Variants in MIPOL1 observed in about 807,000 individuals in gnomAD.
The protein encoded by MIPOL1 is mirror-image polydactyly 1.
A neutral mutation model predicts 60.9 loss-of-function variants in MIPOL1; 57 were observed. The observed-to-expected ratio is 0.94, with a 90% CI of 0.76 to 1.17. The LOEUF (loss-of-function observed/expected upper bound fraction) is 1.17. Ranked by LOEUF, MIPOL1 falls within the 50% of genes most tolerant of loss-of-function variation. MIPOL1 has a pLI of 0.00. For missense variants in MIPOL1, 551 were observed against 511.6 expected, an observed-to-expected ratio of 1.08 and a Z score of -0.74; for synonymous variants, 179 against 168.8, an observed-to-expected ratio of 1.06 and a Z score of -0.47.
At chr14:37,545,593 A>G (rs751694961) in intron 12 of MIPOL1, 95 of 590,790 alleles carry the variant, frequency 1.6e-4, no homozygotes, top group Non-Finnish European at 2.7e-4. Context: ...TAAGATCATT[A>G]CTGTGTTCTT....
chr14:37,205,309 G>T (rs1440231963), intron 1 of MIPOL1, among the ~76,000 whole-genome samples: 1 of 151,764 alleles, frequency 6.6e-6, no homozygotes, highest in Non-Finnish European at 1.5e-5. Flanking sequence ...TCATCATGTT[G>T]GCCAGGCTGG....
At chr14:37,503,358 C>CA (rs1437596780) in intron 12 of MIPOL1, 1 of 151,926 alleles carries the variant, frequency 6.6e-6, no homozygotes, top group East Asian at 1.9e-4. Context: ...TAAGGGTAGC[C>CA]AGGAAGGTCG....
chr14:37,473,975 ATAGTT>A (rs1477448793), intron 11 of MIPOL1, among the ~76,000 whole-genome samples: 1 of 152,036 alleles, frequency 6.6e-6, no homozygotes, highest in Non-Finnish European at 1.5e-5. Flanking sequence ...TAATGTCTCT[ATAGTT>A]TAGTTTATTC....
chr14:37,325,729 G>A (rs2153450134), intron 9 of MIPOL1, among the ~76,000 whole-genome samples: 1 of 152,162 alleles, frequency 6.6e-6, no homozygotes, highest in Middle Eastern at 3.4e-3. Context: ...TATATGACAT[G>A]AATATAAGGG....
chr14:37,325,463 TTTTA>T (rs2033095793), intron 9 of MIPOL1, among the ~76,000 whole-genome samples: 1 of 152,014 alleles, frequency 6.6e-6, no homozygotes, highest in African/African-American at 2.4e-5. Context: ...CCTTTTAATA[TTTTA>T]TTTCTTTTCT....
At chr14:37,237,825 G>A (rs2055949774) in intron 1 of MIPOL1, among the ~76,000 whole-genome samples, 1 of 152,124 alleles carries the variant, frequency 6.6e-6, no homozygotes, top group South Asian at 2.1e-4. Flanking sequence ...CTGTGTAGTT[G>A]AACTCTAACC....
At chr14:37,225,849 C>T (rs1328857246) in intron 1 of MIPOL1, among the ~76,000 whole-genome samples, 1 of 152,162 alleles carries the variant, frequency 6.6e-6, no homozygotes, top group African/African-American at 2.4e-5. Context: ...CCTTATAAAA[C>T]TGAATGCCTT....
At chr14:37,342,929 T>TTGTG (rs10526983) in intron 9 of MIPOL1, among the ~76,000 whole-genome samples, 2 of 150,072 alleles carry the variant, frequency 1.3e-5, no homozygotes, top group Non-Finnish European at 3.0e-5. Flanking sequence ...ATTACTATAT[T>TTGTG]ATTAAATCTC....
intron 1 of MIPOL1, among the ~76,000 whole-genome samples, chr14:37,242,494 C>G (rs1180675311): frequency 2.0e-5 from 3 of 152,202 alleles, no homozygotes; most frequent in East Asian, 3.9e-4. Flanking sequence ...TTGTCTGGCT[C>G]ATAGTATACA....
intron 11 of MIPOL1, among the ~76,000 whole-genome samples, chr14:37,498,216 T>TG (rs2095162371): frequency 6.6e-6 from 1 of 152,104 alleles, no homozygotes; most frequent in Non-Finnish European, 1.5e-5. Context: ...GAGGGAACAC[T>TG]GGGGGGTCTT....
chr14:37,533,961 T>C (rs561730675), intron 12 of MIPOL1, among the ~76,000 whole-genome samples: 1 of 151,458 alleles, frequency 6.6e-6, no homozygotes, highest in South Asian at 2.1e-4. Context: ...TGATGGCACG[T>C]CCCTTAATCT....
chr14:37,440,549 C>T (rs186196397), intron 11 of MIPOL1, among the ~76,000 whole-genome samples: 10 of 152,226 alleles, frequency 6.6e-5, no homozygotes, highest in African/African-American at 2.4e-4. Flanking sequence ...TGTCTGGCTT[C>T]TTTCACTTAA....
chr14:37,526,540 T>C (rs180748022), intron 12 of MIPOL1, among the ~76,000 whole-genome samples: 2,241 of 147,590 alleles, frequency 0.015, 57 homozygotes, highest in African/African-American at 0.056. Flanking sequence ...TGGCTAATTT[T>C]TTGTATTTTT....
intron 11 of MIPOL1, among the ~76,000 whole-genome samples, chr14:37,469,656 A>G (rs1003487152): frequency 1.3e-5 from 2 of 152,200 alleles, no homozygotes; most frequent in Non-Finnish European, 2.9e-5. Flanking sequence ...CACTATAACA[A>G]TATTAAGAGG....
At chr14:37,202,430 T>A (rs1289014498) in intron 1 of MIPOL1, among the ~76,000 whole-genome samples, 1 of 151,996 alleles carries the variant, frequency 6.6e-6, no homozygotes, top group Non-Finnish European at 1.5e-5. Context: ...ATGACTAATG[T>A]AAATACCTTC....
In MIPOL1 at chr14:37,285,351, A is replaced by G; in HGVS notation, c.527A>G (p.Glu176Gly). 1 of 1,614,036 alleles carries G rather than the reference A, an allele frequency of 6.2e-7. No homozygotes were observed. The highest frequency in any genetic ancestry group is 8.5e-7 in the Non-Finnish European group (1 of 1,179,980). Residue 176 changes from glutamate to glycine, a missense_variant, in exon 7 of 13, where the codon GAA becomes GGA. Glu to Gly is a moderately conservative substitution (Grantham distance 98). Transcript: ENST00000684589. Reference sequence around the variant, plus strand: ...GAAGAAGTGTATTTTGCGCAGAAGGAACGTGATGAAGCTGTTATGTCTAGA... The same window carrying G: ...GAAGAAGTGTATTTTGCGCAGAAGGGACGTGATGAAGCTGTTATGTCTAGA... ...LVEEVYFAQK[E>G]RDEAVMSRLQ... is the part of the protein sequence containing the mutation.
intron 3 of MIPOL1, among the ~76,000 whole-genome samples, chr14:37,249,999 T>C (rs1055350503): frequency 6.6e-6 from 1 of 152,104 alleles, no homozygotes; most frequent in Non-Finnish European, 1.5e-5. Flanking sequence ...CTGATAAATG[T>C]CCAGTAATCA....
intron 9 of MIPOL1, among the ~76,000 whole-genome samples, chr14:37,355,219 A>G (rs1477679560): frequency 2.1e-5 from 3 of 144,294 alleles, no homozygotes; most frequent in Non-Finnish European, 4.5e-5. Context: ...TTCTTTAAGA[A>G]TGTTGAATAT....
intron 12 of MIPOL1, among the ~76,000 whole-genome samples, chr14:37,539,131 G>A (rs1296376294): frequency 6.6e-6 from 1 of 152,082 alleles, no homozygotes; most frequent in African/African-American, 2.4e-5. Context: ...GAACCCAGGA[G>A]GCGGAGCTTG....
Sources: gnomAD v4.1 joint callset for allele counts (sites outside exome capture counted in the v4.1 genomes callset) on GRCh38, gnomAD v4.1.1 for gene constraint, MANE v1.5 for transcripts, NCBI Gene and HGNC (gene_info 2026-07-23, HGNC 2026-07-21) for gene names.